The following LINGO2 variants were observed in gnomAD, a reference collection of about 807,000 sequenced individuals.
LINGO2 encodes the protein leucine-rich repeat and immunoglobulin-like domain-containing nogo receptor-interacting protein 2.
A neutral mutation model predicts 30.6 loss-of-function variants in LINGO2; 14 were observed. The ratio of observed to expected loss-of-function variants is 0.46; its 90% CI spans 0.30 to 0.72. The LOEUF (loss-of-function observed/expected upper bound fraction) is 0.72, where lower values mean the gene tolerates loss of function less well. Among genes scored for constraint, LINGO2 ranks in the 30% least tolerant of loss-of-function variants. LINGO2 has a pLI of 0.07. For missense variants in LINGO2, 729 were observed against 751.7 expected, an observed-to-expected ratio of 0.97 and a Z score of 0.35; for synonymous variants, 317 against 288.5, an observed-to-expected ratio of 1.10 and a Z score of -1.00.
At chr9:29,171,506 T>A in the LINGO2 span, among the ~76,000 whole-genome samples, 3 of 152,020 alleles carry the variant, frequency 2.0e-5, no homozygotes, top group African/African-American at 7.2e-5. Flanking sequence ...TATACTGATA[T>A]ACTCAAATAT....
the LINGO2 span, among the ~76,000 whole-genome samples, chr9:28,925,426 T>A: frequency 1.3e-5 from 2 of 152,180 alleles, no homozygotes; most frequent in Non-Finnish European, 2.9e-5. Flanking sequence ...TATGTCTATG[T>A]GACCAAGTGC....
the LINGO2 span, among the ~76,000 whole-genome samples, chr9:28,901,257 G>A: frequency 6.6e-6 from 1 of 151,988 alleles, no homozygotes; most frequent in Non-Finnish European, 1.5e-5. Context: ...GACTTTCCCA[G>A]ACAAATAAAA....
At chr9:28,343,389 C>A (rs1189182079) in intron 3 of LINGO2, among the ~76,000 whole-genome samples, 1 of 152,198 alleles carries the variant, frequency 6.6e-6, no homozygotes, top group Non-Finnish European at 1.5e-5. Flanking sequence ...GTTTCTTGGA[C>A]TGCAGAGCTA....
chr9:28,618,217 G>A (rs1826227095), intron 1 of LINGO2, among the ~76,000 whole-genome samples: 1 of 152,022 alleles, frequency 6.6e-6, no homozygotes, highest in Non-Finnish European at 1.5e-5. Flanking sequence ...ACCCCAACCT[G>A]GTCTTCCTTT....
the LINGO2 span, among the ~76,000 whole-genome samples, chr9:29,164,757 T>C: frequency 6.6e-6 from 1 of 151,076 alleles, no homozygotes; most frequent in African/African-American, 2.5e-5. Flanking sequence ...TATATATGCA[T>C]ATATGCACGT....
chr9:28,353,547 T>C (rs1473043227), intron 3 of LINGO2, among the ~76,000 whole-genome samples: 2 of 151,210 alleles, frequency 1.3e-5, no homozygotes, highest in East Asian at 1.9e-4. Flanking sequence ...ACTTTTACAC[T>C]GTTGGTGGGA....
chr9:28,862,341 T>G, the LINGO2 span, among the ~76,000 whole-genome samples: 1 of 148,240 alleles, frequency 6.7e-6, no homozygotes, highest in Non-Finnish European at 1.5e-5. Flanking sequence ...GTATCATAGT[T>G]CAAATTAAAT....
At chr9:28,842,061 A>G in the LINGO2 span, among the ~76,000 whole-genome samples, 1 of 151,808 alleles carries the variant, frequency 6.6e-6, no homozygotes, top group South Asian at 2.1e-4. Flanking sequence ...ATGTGGACAT[A>G]TGAAACTGAA....
chr9:28,807,427 T>A, the LINGO2 span, among the ~76,000 whole-genome samples: 3 of 152,182 alleles, frequency 2.0e-5, no homozygotes, highest in African/African-American at 7.2e-5. Context: ...CTCAATATGA[T>A]TTCATTTTCC....
At chr9:28,530,802 TA>T (rs1821204422) in intron 1 of LINGO2, among the ~76,000 whole-genome samples, 1 of 151,984 alleles carries the variant, frequency 6.6e-6, no homozygotes, top group South Asian at 2.1e-4. Context: ...CCTGCTTCTC[TA>T]AAATTTAATT....
exon 6 of LINGO2, chr9:27,948,893 C>G (rs754910797): frequency 6.2e-7 from 1 of 1,613,584 alleles, no homozygotes; most frequent in South Asian, 1.1e-5. Context: ...CAGCTACCTC[C>G]CCTTCCACAA....
chr9:28,756,345 C>A, the LINGO2 span, among the ~76,000 whole-genome samples: 1 of 151,978 alleles, frequency 6.6e-6, no homozygotes, highest in African/African-American at 2.4e-5. Context: ...CCTGTACCCT[C>A]AATGTGTCTT....
chr9:28,123,110 C>T (rs1161936273), intron 4 of LINGO2, among the ~76,000 whole-genome samples: 1 of 152,004 alleles, frequency 6.6e-6, no homozygotes, highest in Non-Finnish European at 1.5e-5. Context: ...TTGTTGAGAT[C>T]AAAGTTGAAC....
At chr9:28,010,722 A>G (rs1342027553) in intron 5 of LINGO2, among the ~76,000 whole-genome samples, 1 of 152,180 alleles carries the variant, frequency 6.6e-6, no homozygotes, top group African/African-American at 2.4e-5. Flanking sequence ...GGAGGCAGAG[A>G]TGGGAGGATT....
chr9:28,020,651 C>G (rs1018184913), intron 4 of LINGO2, among the ~76,000 whole-genome samples: 2 of 152,174 alleles, frequency 1.3e-5, no homozygotes, highest in East Asian at 3.9e-4. Context: ...TGGTAGTATT[C>G]ACCAGTGGAA....
the LINGO2 span, among the ~76,000 whole-genome samples, chr9:28,736,601 G>A: frequency 2.0e-5 from 3 of 152,030 alleles, no homozygotes; most frequent in African/African-American, 7.2e-5. Flanking sequence ...GACCACCCTG[G>A]TCAATATGGC....
intron 2 of LINGO2, among the ~76,000 whole-genome samples, chr9:28,461,584 T>C (rs1399191989): frequency 2.6e-5 from 4 of 152,284 alleles, no homozygotes; most frequent in East Asian, 3.9e-4. Context: ...ATATTGAGAA[T>C]TGATGTCCTG....
the LINGO2 span, among the ~76,000 whole-genome samples, chr9:29,172,640 G>A: frequency 6.6e-6 from 1 of 151,692 alleles, no homozygotes; most frequent in African/African-American, 2.4e-5. Context: ...TCTCCTTAGT[G>A]CCACTGATTC....
At chr9:29,186,268 C>T in the LINGO2 span, among the ~76,000 whole-genome samples, 2 of 152,050 alleles carry the variant, frequency 1.3e-5, no homozygotes, top group Non-Finnish European at 2.9e-5. Flanking sequence ...CTCTATAACT[C>T]TGCTTTTTCT....
Sources: allele counts gnomAD v4.1 joint callset (sites outside exome capture counted in the v4.1 genomes callset), GRCh38; gene constraint gnomAD v4.1.1; transcripts MANE v1.5; gene names NCBI Gene and HGNC (gene_info 2026-07-23, HGNC 2026-07-21).